CENPQ: variants seen among roughly 807,000 people sequenced by gnomAD.
CENPQ encodes centromere protein Q.
CENPQ carries 27 observed loss-of-function variants against 36.6 expected under a neutral mutation model. The ratio of observed to expected loss-of-function variants is 0.74; its 90% CI spans 0.54 to 1.02. The LOEUF (loss-of-function observed/expected upper bound fraction) is 1.02. Ranked by LOEUF, CENPQ falls within the 50% of genes least tolerant of loss-of-function variation. The probability of loss-of-function intolerance (pLI) is 0.00; values close to 1 mark genes in which losing one functional copy is unlikely to be tolerated. For synonymous variants in CENPQ, 101 were observed against 101.7 expected (o/e 0.99, Z 0.04); for missense variants, 306 against 301.8 (o/e 1.01, Z -0.10).
intron 6 of CENPQ, among the ~76,000 whole-genome samples, chr6:49,484,872 G>A (rs970757918): frequency 2.0e-5 from 3 of 152,074 alleles, no homozygotes; most frequent in African/African-American, 7.2e-5. Flanking sequence ...GTTTATTTAG[G>A]TTATTTTAAA....
Position 49,492,338 on chromosome 6 carries a change from AAC to A in CENPQ, c.*64_*65del. The A allele has an allele frequency of 7.1e-7, 1 of 1,414,996 alleles. No individual in the cohort carries two copies. Among genetic ancestry groups the A allele is most frequent in the Non-Finnish European group, 9.5e-7 (1 of 1,047,126 alleles). The allele number at this position is 1,414,996 out of a possible 1,614,324, so 87.7% of individuals were successfully genotyped here. A position where few individuals can be genotyped will look rare whatever the true frequency, so the allele number is the denominator to read the frequency against. ...ATGTTCGTGAATTTGTAAAACTGTT[AAC>A]CTATGATTATATGTACAGAGGCTAA... On this transcript the variant is annotated 3_prime_UTR_variant, in exon 9 of 9. Transcript: ENST00000335783.
At chr6:49,472,615 G>A (rs141870463) in intron 4 of CENPQ, among the ~76,000 whole-genome samples, 175 bp from the exon 5 acceptor site, 10 of 152,202 alleles carry the variant, frequency 6.6e-5, no homozygotes, top group Admixed American at 6.5e-4. Context: ...ATATATATAA[G>A]AAGAATTTTT....
At chr6:49,478,434 T>G (rs1158131932) in intron 5 of CENPQ, among the ~76,000 whole-genome samples, 1 of 152,178 alleles carries the variant, frequency 6.6e-6, no homozygotes, top group Non-Finnish European at 1.5e-5. Flanking sequence ...TCTCCCAAAT[T>G]GATATTTCTG....
At chr6:49,479,935 A>G (rs1254791109) in intron 5 of CENPQ, among the ~76,000 whole-genome samples, 1 of 152,156 alleles carries the variant, frequency 6.6e-6, no homozygotes, top group Non-Finnish European at 1.5e-5. Context: ...ATGGACACAA[A>G]GAAGGGAACA....
intron 5 of CENPQ, among the ~76,000 whole-genome samples, chr6:49,478,449 G>A (rs115131396): frequency 6.6e-6 from 1 of 152,034 alleles, no homozygotes; most frequent in African/African-American, 2.4e-5. Flanking sequence ...TTTCTGGGAA[G>A]TCATTTTCAT....
chr6:49,472,682 C>A, intron 4 of CENPQ, 108 bp from the exon 5 acceptor site: 2 of 795,494 alleles, frequency 2.5e-6, no homozygotes. Context: ...ATTGATTTTG[C>A]CTGGCTAGTG....
intron 5 of CENPQ, among the ~76,000 whole-genome samples, chr6:49,476,636 A>G (rs994229919): frequency 6.6e-6 from 1 of 152,238 alleles, no homozygotes; most frequent in Non-Finnish European, 1.5e-5. Context: ...GTGAACAGGC[A>G]TCCTACAGAA....
chr6:49,471,359 G>A (rs1283876772), intron 3 of CENPQ, among the ~76,000 whole-genome samples: 2 of 152,118 alleles, frequency 1.3e-5, no homozygotes, highest in Admixed American at 6.5e-5. Flanking sequence ...TATGCTTTCT[G>A]TTCTGTATAG....
At chr6:49,475,457 A>C (rs1768263264) in intron 5 of CENPQ, among the ~76,000 whole-genome samples, 1 of 152,238 alleles carries the variant, frequency 6.6e-6, no homozygotes, top group African/African-American at 2.4e-5. Flanking sequence ...ACAAATCCAC[A>C]GCCAATGTCA....
At chr6:49,467,772 G>T (rs1007403683) in intron 1 of CENPQ, among the ~76,000 whole-genome samples, 2 of 152,180 alleles carry the variant, frequency 1.3e-5, no homozygotes, top group Non-Finnish European at 2.9e-5. Flanking sequence ...CAGAGCAAAA[G>T]AGCCACAGAC....
intron 5 of CENPQ, among the ~76,000 whole-genome samples, chr6:49,473,284 T>G (rs974775570): frequency 6.6e-6 from 1 of 152,220 alleles, no homozygotes; most frequent in African/African-American, 2.4e-5. Flanking sequence ...TCTAAGATAT[T>G]ATTGCTCTTC....
intron 5 of CENPQ, among the ~76,000 whole-genome samples, chr6:49,474,191 C>T (rs1006828654): frequency 3.3e-5 from 5 of 152,222 alleles, no homozygotes; most frequent in Non-Finnish European, 7.3e-5. Flanking sequence ...AAAGAACTCT[C>T]CACCCCAATC....
At chr6:49,472,907 C>G (rs754931801) in intron 5 of CENPQ, 49 bp downstream of exon 5, 11 of 1,205,558 alleles carry the variant, frequency 9.1e-6, no homozygotes, top group Non-Finnish European at 1.2e-5. Context: ...TTTTAAAAAC[C>G]TGACTTCTTT....
chr6:49,463,555 T>C (rs1310731571), intron 1 of CENPQ, 102 bp downstream of exon 1: 3 of 152,142 alleles, frequency 2.0e-5, no homozygotes, highest in Non-Finnish European at 4.4e-5. Flanking sequence ...CATTTGAGGA[T>C]AGCGAGGGGG....
intron 5 of CENPQ, among the ~76,000 whole-genome samples, chr6:49,477,842 T>TCTTTTTA (rs1768338669): frequency 6.6e-6 from 1 of 152,186 alleles, no homozygotes; most frequent in South Asian, 2.1e-4. Context: ...AGGAAGAAGA[T>TCTTTTTA]ATTAAAAAGA....
intron 5 of CENPQ, among the ~76,000 whole-genome samples, chr6:49,474,593 T>G (rs1258217842): frequency 6.6e-6 from 1 of 151,802 alleles, no homozygotes; most frequent in Non-Finnish European, 1.5e-5. Context: ...ACATCACAAT[T>G]AAAAGAACTA....
chr6:49,486,629 A>C (rs923342878), intron 6 of CENPQ, among the ~76,000 whole-genome samples: 2 of 152,086 alleles, frequency 1.3e-5, no homozygotes, highest in East Asian at 1.9e-4. Flanking sequence ...TAAAAAAAAA[A>C]CTCCAATTTA....
At position 49,471,045 on chromosome 6, in the gene CENPQ, A is replaced by G; in HGVS notation, c.157+17A>G. 1.4e-6 allele frequency: 2 copies of G among 1,401,054 alleles called. No homozygotes were observed. Among genetic ancestry groups the G allele is most frequent in the South Asian group, 1.5e-5 (1 of 67,346 alleles). 86.8% of individuals were successfully genotyped at this position (1,401,054 alleles called of 1,614,324 possible). ...CTTCTGAAGGTATTTCTTTTCTATT[A>G]CCTTGTTTAACCTGCTTCTATATCA... is the stretch of plus-strand genomic sequence containing the variant. On this transcript the variant is annotated intron_variant, in intron 3 of 8. Transcript: ENST00000335783.
chr6:49,481,888 C>T (rs1215195319), intron 6 of CENPQ, among the ~76,000 whole-genome samples: 1 of 152,112 alleles, frequency 6.6e-6, no homozygotes, highest in Non-Finnish European at 1.5e-5. Flanking sequence ...CAGCACTCAT[C>T]GGGGAGGCTT....
Sources: gnomAD v4.1 joint callset for allele counts (sites outside exome capture counted in the v4.1 genomes callset) on GRCh38, gnomAD v4.1.1 for gene constraint, MANE v1.5 for transcripts, NCBI Gene and HGNC (gene_info 2026-07-23, HGNC 2026-07-21) for gene names.